CCDC77: variants seen among roughly 807,000 people sequenced by gnomAD.
The protein encoded by CCDC77 is coiled-coil domain-containing protein 77.
In CCDC77, 56 loss-of-function variants were observed where a neutral mutation model predicts 66.8. That is an observed-to-expected ratio of 0.84 (90% CI 0.68 to 1.05). The LOEUF is 1.05. CCDC77 is among the 50% of genes least tolerant of loss of function. The probability of loss-of-function intolerance (pLI) is 0.00; values close to 1 mark genes in which losing one functional copy is unlikely to be tolerated. For missense variants in CCDC77, 570 were observed against 576.8 expected, an observed-to-expected ratio of 0.99 and a Z score of 0.12; for synonymous variants, 196 against 195.2, an observed-to-expected ratio of 1.00 and a Z score of -0.03.
chr12:428,596 G>A (rs1258719386), intron 5 of CCDC77, among the ~76,000 whole-genome samples, 173 bp from the exon 6 acceptor site: 1 of 148,816 alleles, frequency 6.7e-6, no homozygotes, highest in African/African-American at 2.5e-5. Context: ...GATGTTTTAC[G>A]AAGTAGAGCT....
At chr12:410,474 G>A (rs1338801471) in intron 3 of CCDC77, among the ~76,000 whole-genome samples, 1 of 150,394 alleles carries the variant, frequency 6.6e-6, no homozygotes, top group Non-Finnish European at 1.5e-5. Flanking sequence ...TGCTGTGTTG[G>A]CCAGGTTGGT....
At chr12:415,484 A>G (rs1457164174) in intron 4 of CCDC77, among the ~76,000 whole-genome samples, 1 of 148,180 alleles carries the variant, frequency 6.7e-6, no homozygotes, top group Non-Finnish European at 1.5e-5. Context: ...ATATGTTGAT[A>G]TTATTAACAT....
chr12:429,513 T>G (rs1195059156), intron 6 of CCDC77, among the ~76,000 whole-genome samples: 1 of 150,968 alleles, frequency 6.6e-6, no homozygotes, highest in East Asian at 1.9e-4. Flanking sequence ...TAGGTTGGAG[T>G]GCAATGCGCA....
At chr12:408,034 A>G (rs1565564266) in intron 2 of CCDC77, among the ~76,000 whole-genome samples, 2 of 151,882 alleles carry the variant, frequency 1.3e-5, no homozygotes, top group Non-Finnish European at 1.5e-5. Context: ...TGATACACCC[A>G]CCTCGGCCTC....
At chr12:415,175 T>C (rs1156403727) in intron 4 of CCDC77, among the ~76,000 whole-genome samples, 3 of 151,708 alleles carry the variant, frequency 2.0e-5, no homozygotes, top group Non-Finnish European at 4.4e-5. Flanking sequence ...TTTTTGTAGA[T>C]TCTACAAAAA....
chr12:409,458 C>T (rs776069385), intron 3 of CCDC77, 37 bp downstream of exon 3: 10 of 1,580,498 alleles, frequency 6.3e-6, no homozygotes, highest in Non-Finnish European at 7.0e-6. Flanking sequence ...GTTAAGAAAT[C>T]GAGACTTGTA....
intron 5 of CCDC77, among the ~76,000 whole-genome samples, chr12:427,631 C>A (rs1234295987): frequency 6.6e-6 from 1 of 151,832 alleles, no homozygotes; most frequent in African/African-American, 2.4e-5. Flanking sequence ...CACGCCACCA[C>A]GCCCAGATAA....
At chr12:410,022 A>C (rs1036271020) in intron 3 of CCDC77, among the ~76,000 whole-genome samples, 2 of 151,810 alleles carry the variant, frequency 1.3e-5, no homozygotes, top group African/African-American at 4.8e-5. Flanking sequence ...AGAAATGTTA[A>C]GTAAACTAGT....
intron 1 of CCDC77, among the ~76,000 whole-genome samples, chr12:391,556 A>C (rs1210833406): frequency 1.2e-4 from 19 of 152,236 alleles, no homozygotes; most frequent in Admixed American, 1.2e-3. Flanking sequence ...CGAATAAAAC[A>C]AGCCACTGAT....
intron 10 of CCDC77, among the ~76,000 whole-genome samples, chr12:439,054 G>A (rs932280370): frequency 7.9e-5 from 12 of 151,982 alleles, no homozygotes; most frequent in Admixed American, 2.6e-4. Flanking sequence ...CTCCAGCCCC[G>A]ATGACAGTGC....
At chr12:400,713 T>C (rs1944883861), upstream of CCDC77, among the ~76,000 whole-genome samples, 1 of 152,130 alleles carries the variant, frequency 6.6e-6, no homozygotes, top group African/African-American at 2.4e-5. Context: ...ATAATAGTAA[T>C]ATAAAGGATA....
chr12:400,622 G>C (rs1944882842), upstream of CCDC77, among the ~76,000 whole-genome samples: 1 of 152,156 alleles, frequency 6.6e-6, no homozygotes, highest in Non-Finnish European at 1.5e-5. Flanking sequence ...CTGGTCTGTG[G>C]AGCAGTTAAA....
chr12:414,255 CTAATT>C (rs1945178538), intron 4 of CCDC77, among the ~76,000 whole-genome samples: 1 of 151,852 alleles, frequency 6.6e-6, no homozygotes, highest in Non-Finnish European at 1.5e-5. Context: ...CCACACCTAA[CTAATT>C]TTTGTATTTT....
intron 4 of CCDC77, among the ~76,000 whole-genome samples, chr12:414,511 A>G (rs76517459): frequency 0.021 from 3,178 of 152,198 alleles, 88 homozygotes; most frequent in African/African-American, 0.071. Context: ...AGATTCTACT[A>G]TAAATGACCT....
chr12:425,906 C>T (rs192871988), intron 5 of CCDC77, among the ~76,000 whole-genome samples: 9 of 152,216 alleles, frequency 5.9e-5, no homozygotes, highest in East Asian at 5.8e-4. Flanking sequence ...AGTCTGTCAC[C>T]CAGGCTGGAG....
chr12:420,539 CTGTG>C (rs373399545), intron 5 of CCDC77, among the ~76,000 whole-genome samples: 26 of 59,698 alleles, frequency 4.4e-4, no homozygotes, highest in East Asian at 1.2e-3. Context: ...CAGTGCTCTT[CTGTG>C]TGTGTGTGCT....
At position 422,386 on chromosome 12, in the gene CCDC77, A is replaced by G. The variant is rs114516260; in HGVS notation, c.413+3750A>G. On this transcript the variant is annotated intron_variant, in intron 5 of 12. Coordinates refer to ENST00000239830, the MANE Select transcript of CCDC77 (RefSeq NM_032358.4). ...CATCATTGAACTCCAGAACATTTTC[A>G]TATTCCTAAACTGAAATTGTATACT... Among the ~76,000 whole-genome samples the G allele has an allele frequency of 6.1e-3, 936 of 152,356 alleles. 10 individuals are homozygous for G. The highest frequency in any genetic ancestry group is 0.022 in the African/African-American group (904 of 41,574).
chr12:428,715 G>T, intron 5 of CCDC77, 54 bp from the exon 6 acceptor site: 5 of 1,215,954 alleles, frequency 4.1e-6, no homozygotes, highest in South Asian at 1.4e-5. Flanking sequence ...ACAGAAAAAG[G>T]TTACTTACTT....
At chr12:395,494 G>T (rs1213816115) in intron 1 of CCDC77, among the ~76,000 whole-genome samples, 2 of 151,994 alleles carry the variant, frequency 1.3e-5, no homozygotes, top group Non-Finnish European at 2.9e-5. Flanking sequence ...ATATATGTGG[G>T]TTCCTCATTT....
Sources: gnomAD v4.1 joint callset for allele counts (sites outside exome capture counted in the v4.1 genomes callset) on GRCh38, gnomAD v4.1.1 for gene constraint, MANE v1.5 for transcripts, NCBI Gene and HGNC (gene_info 2026-07-23, HGNC 2026-07-21) for gene names.